PLXNC1: variants seen among roughly 807,000 people sequenced by gnomAD.
The protein encoded by PLXNC1 is plexin-C1.
Under a neutral mutation model 178.2 loss-of-function variants are expected in PLXNC1, and 75 were observed. The observed-to-expected ratio is 0.42, with a 90% CI of 0.35 to 0.51. PLXNC1 has a LOEUF of 0.51. Ranked by LOEUF, PLXNC1 falls within the 20% of genes least tolerant of loss-of-function variation. PLXNC1 has a pLI of 0.02. For missense variants in PLXNC1, 1,503 were observed against 1,984.4 expected (o/e 0.76, Z 4.61); for synonymous variants, 790 against 779.9 (o/e 1.01, Z -0.22).
At chr12:94,219,803 TTTTATTTATTTA>T (rs61371301) in intron 5 of PLXNC1, among the ~76,000 whole-genome samples, 53,368 of 115,672 alleles carry the variant, frequency 0.46, 10,428 homozygotes, top group African/African-American at 0.52. Flanking sequence ...TCTTTTATAT[TTTTATTTATTTA>T]TTTATTTATT....
intron 23 of PLXNC1, among the ~76,000 whole-genome samples, chr12:94,287,831 A>G (rs887166415): frequency 1.3e-5 from 2 of 152,218 alleles, no homozygotes; most frequent in African/African-American, 4.8e-5. Flanking sequence ...ACAAACACGT[A>G]TAATGCTTCT....
intron 21 of PLXNC1, among the ~76,000 whole-genome samples, chr12:94,269,373 G>GT (rs1183683884): frequency 6.6e-6 from 1 of 152,180 alleles, no homozygotes; most frequent in Non-Finnish European, 1.5e-5. Flanking sequence ...TTTATTGAAG[G>GT]TTTATGCCAG....
chr12:94,247,769 T>A, intron 12 of PLXNC1, 134 bp from the exon 13 acceptor site: 1 of 741,820 alleles, frequency 1.3e-6, no homozygotes, highest in East Asian at 2.5e-5. Context: ...AGGGAGGTAG[T>A]TTTGCTGTCT....
chr12:94,267,597 T>G (rs1965317365), intron 21 of PLXNC1, among the ~76,000 whole-genome samples: 1 of 152,166 alleles, frequency 6.6e-6, no homozygotes, highest in East Asian at 1.9e-4. Flanking sequence ...ATGGGCCACT[T>G]GTTTTTAGGG....
chr12:94,205,925 G>T (rs1296350013), intron 4 of PLXNC1, among the ~76,000 whole-genome samples: 1 of 152,208 alleles, frequency 6.6e-6, no homozygotes, highest in Non-Finnish European at 1.5e-5. Context: ...AAGTTTGTGG[G>T]CTCTGAAATC....
At chr12:94,215,556 T>TA (rs1963620176) in intron 5 of PLXNC1, among the ~76,000 whole-genome samples, 1 of 149,222 alleles carries the variant, frequency 6.7e-6, no homozygotes, top group Admixed American at 6.7e-5. Context: ...CAAACATAGA[T>TA]GATAGATAGA....
chr12:94,285,356 C>G (rs1475352444), intron 23 of PLXNC1, among the ~76,000 whole-genome samples: 1 of 152,192 alleles, frequency 6.6e-6, no homozygotes, highest in African/African-American at 2.4e-5. Context: ...ACAGAGAACA[C>G]CCATCCTTGG....
At chr12:94,184,763 G>A (rs965094242) in intron 3 of PLXNC1, among the ~76,000 whole-genome samples, 77 of 152,294 alleles carry the variant, frequency 5.1e-4, no homozygotes, top group African/African-American at 1.8e-3. Flanking sequence ...AATAGACTGA[G>A]TAATAGTTCT....
At chr12:94,157,008 G>A (rs576246154) in intron 1 of PLXNC1, among the ~76,000 whole-genome samples, 1 of 152,262 alleles carries the variant, frequency 6.6e-6, no homozygotes, top group East Asian at 1.9e-4. Flanking sequence ...GCCTCCCACT[G>A]TACATCTTAA....
intron 23 of PLXNC1, among the ~76,000 whole-genome samples, chr12:94,292,566 A>G (rs1399661552): frequency 6.6e-6 from 1 of 152,264 alleles, no homozygotes; most frequent in African/African-American, 2.4e-5. Flanking sequence ...TGGAACCACA[A>G]GTATTTCAGA....
At position 94,190,974 on chromosome 12, in the gene PLXNC1, A is replaced by G. The variant is rs551903265; in HGVS notation, c.1439+4501A>G. Among the ~76,000 whole-genome samples, 4 of 152,304 alleles carry G rather than the reference A, an allele frequency of 2.6e-5. No individual in the cohort carries two copies. In the South Asian group the frequency reaches 6.2e-4, roughly 24 times the overall value. On this transcript the variant is annotated intron_variant, in intron 4 of 30. Transcript: ENST00000258526. Reference sequence around the variant, plus strand: ...CAGTAGCCTCCCCTTACTCACAGTGACATTACTGTTTTATTTTCTTCATGG... The same window carrying G: ...CAGTAGCCTCCCCTTACTCACAGTGGCATTACTGTTTTATTTTCTTCATGG...
chr12:94,295,767 A>T (rs2136208947), intron 24 of PLXNC1, among the ~76,000 whole-genome samples: 1 of 152,284 alleles, frequency 6.6e-6, no homozygotes, highest in South Asian at 2.1e-4. Flanking sequence ...CAACTTGACC[A>T]GGGCCCTCCA....
chr12:94,218,820 A>G (rs1016171971), intron 5 of PLXNC1, among the ~76,000 whole-genome samples: 3 of 152,156 alleles, frequency 2.0e-5, no homozygotes, highest in African/African-American at 7.2e-5. Flanking sequence ...GCAAAACCTT[A>G]ACTAATTCTA....
chr12:94,214,557 A>G (rs973468600), intron 5 of PLXNC1, among the ~76,000 whole-genome samples: 6 of 152,268 alleles, frequency 3.9e-5, no homozygotes, highest in African/African-American at 2.4e-5. Context: ...AAGTGGCTGC[A>G]TATCTGCAGA....
At chr12:94,244,149 C>T (rs1324268917) in intron 12 of PLXNC1, 124 bp downstream of exon 12, 2 of 525,528 alleles carry the variant, frequency 3.8e-6, no homozygotes, top group East Asian at 2.9e-5. Context: ...TTTACCTATG[C>T]TATCATATAT....
chr12:94,251,139 C>G (rs1964673376), intron 14 of PLXNC1, among the ~76,000 whole-genome samples: 1 of 152,144 alleles, frequency 6.6e-6, no homozygotes, highest in Non-Finnish European at 1.5e-5. Flanking sequence ...TTATTGCCCT[C>G]ACTCCTGCAA....
intron 3 of PLXNC1, among the ~76,000 whole-genome samples, chr12:94,184,125 C>CT (rs775103386): frequency 2.1e-3 from 17 of 7,930 alleles, no homozygotes; most frequent in Admixed American, 2.9e-3. Flanking sequence ...CTCTCTCTCT[C>CT]TTTTTTTTTT....
At chr12:94,249,960 G>T (rs56055300) in intron 14 of PLXNC1, among the ~76,000 whole-genome samples, 5,010 of 137,160 alleles carry the variant, frequency 0.037, 382 homozygotes, top group African/African-American at 0.13. Context: ...AACAGGAGCA[G>T]GTAGGGGGGC....
At chr12:94,254,968 G>T in intron 16 of PLXNC1, 80 bp downstream of exon 16, 1 of 1,152,158 alleles carries the variant, frequency 8.7e-7, no homozygotes, top group South Asian at 1.4e-5. Context: ...CATAGAGATG[G>T]CCACAGTAAT....
Sources: allele counts gnomAD v4.1 joint callset (sites outside exome capture counted in the v4.1 genomes callset), GRCh38; gene constraint gnomAD v4.1.1; transcripts MANE v1.5; gene names NCBI Gene and HGNC (gene_info 2026-07-23, HGNC 2026-07-21).